NFKBIZ: variants seen among roughly 807,000 people sequenced by gnomAD.
The protein encoded by NFKBIZ is NFKB inhibitor zeta.
NFKBIZ carries 19 observed loss-of-function variants against 76.8 expected under a neutral mutation model. The ratio of observed to expected loss-of-function variants is 0.25; its 90% confidence interval spans 0.17 to 0.36. NFKBIZ has a LOEUF of 0.36. Among genes scored for constraint, NFKBIZ ranks in the 10% least tolerant of loss-of-function variants. The probability of loss-of-function intolerance (pLI) is 1.00; values close to 1 mark genes in which losing one functional copy is unlikely to be tolerated. For missense variants in NFKBIZ, 829 were observed against 910.9 expected, an observed-to-expected ratio of 0.91 and a Z score of 1.16; for synonymous variants, 368 against 354.8, an observed-to-expected ratio of 1.04 and a Z score of -0.42.
chr3:101,850,893 C>T (rs1218409466), intron 1 of NFKBIZ, among the ~76,000 whole-genome samples: 2 of 152,258 alleles, frequency 1.3e-5, no homozygotes, highest in African/African-American at 2.4e-5. Flanking sequence ...CCCACTTGGC[C>T]TTCATCTGGC....
upstream of NFKBIZ, chr3:101,849,141 G>A (rs1037277504): frequency 2.6e-5 from 4 of 152,518 alleles, no homozygotes; most frequent in African/African-American, 9.6e-5. Context: ...CCTGCGCCGC[G>A]CGCCCTCTCC....
At chr3:101,835,933 T>C (rs1321653285) in intron 2 of NFKBIZ, among the ~76,000 whole-genome samples, 1 of 152,200 alleles carries the variant, frequency 6.6e-6, no homozygotes, top group Non-Finnish European at 1.5e-5. Flanking sequence ...AGCAAACTTC[T>C]AGCTACTCTT....
chr3:101,843,020 TAAAAAAAAAAAA>T (rs35824432), intron 2 of NFKBIZ, among the ~76,000 whole-genome samples: 23 of 66,464 alleles, frequency 3.5e-4, no homozygotes, highest in African/African-American at 1.2e-3. Context: ...CTGTATTTTC[TAAAAAAAAAAAA>T]AAAAAAAAAA....
rs1490368548 is a variant in NFKBIZ, at chr3:101,838,373, C to G, written c.-12+8685C>G. On this transcript the variant is annotated intron_variant, in intron 2 of 12. Transcript: ENST00000394054. ...CCCAAGGTCACGTAGCTGGTAAATGCTACAGATAGGTATGCAGGCTTCAAA... is the reference window on the plus strand; with the variant it reads ...CCCAAGGTCACGTAGCTGGTAAATGGTACAGATAGGTATGCAGGCTTCAAA... 3.3e-5 allele frequency among the ~76,000 whole-genome samples: 5 copies of G among 152,278 alleles called. No individual in the cohort carries two copies. The East Asian group carries it at 9.6e-4, about 29-fold the overall frequency.
At chr3:101,850,264 ATGTAGG>A (rs538740976) in intron 1 of NFKBIZ, 73 of 228,216 alleles carry the variant, frequency 3.2e-4, no homozygotes, top group African/African-American at 1.6e-3. Context: ...TTGGGGTCTG[ATGTAGG>A]TGTAATTTTC....
Position 101,854,692 on chromosome 3 carries a change from C to G in NFKBIZ, c.1443+9C>G, listed in dbSNP as rs182110564. 2.9e-5 allele frequency: 46 copies of G among 1,594,374 alleles called. No homozygotes were observed. In the African/African-American group the frequency reaches 5.4e-4, roughly 19 times the overall value. The stretch of plus-strand genomic sequence containing the variant: ...AAGAGCACAATGGACAGGTGAGGAC[C>G]TTGACAGAGTCTGAAATGGCAAAGA... On this transcript the variant is annotated intron_variant, in intron 6 of 11. Transcript: ENST00000326172.
At chr3:101,857,758 C>A in intron 11 of NFKBIZ, 1 of 985,290 alleles carries the variant, frequency 1.0e-6, no homozygotes, top group Non-Finnish European at 1.2e-6. Flanking sequence ...GAGAAGATAC[C>A]AAGGTTCCTG....
At chr3:101,834,200 G>A (rs1168619824) in intron 2 of NFKBIZ, among the ~76,000 whole-genome samples, 1 of 152,060 alleles carries the variant, frequency 6.6e-6, no homozygotes, top group African/African-American at 2.4e-5. Context: ...CTCTCCTTCA[G>A]CTGGCTTTCT....
chr3:101,848,286 T>C (rs1942882745), upstream of NFKBIZ, among the ~76,000 whole-genome samples: 1 of 152,248 alleles, frequency 6.6e-6, no homozygotes, highest in South Asian at 2.1e-4. Flanking sequence ...TTTAATGCCA[T>C]CTTCTCCTCT....
rs199648787 is a variant in NFKBIZ at position 101,853,434 on chromosome 3, C to T, written c.908C>T (p.Thr303Ile). 3.1e-6 allele frequency: 5 copies of T among 1,614,076 alleles called. No individual in the cohort carries two copies. The highest frequency in any genetic ancestry group is 4.2e-6 in the Non-Finnish European group (5 of 1,180,054). The part of the protein sequence containing the change: ...NQHVEQQPHY[T>I]HKPTLEYSPF... ...CATGTAGAGCAGCAGCCACACTACA[C>T]CCACAAACCAACTCTGGAATACAGT... The change falls in exon 5 of 12, where the codon ACC (threonine) becomes ATC (isoleucine). Residue 303 changes from threonine to isoleucine, a missense_variant. By Grantham distance (89) the Thr-to-Ile change is moderately conservative. Around this residue, in one of 4 missense-constraint regions of NFKBIZ, gnomAD observed 371 missense variants for 332.3 expected, o/e 1.12. Transcript: ENST00000326172.
At chr3:101,847,603 C>G (rs1942870636), upstream of NFKBIZ, among the ~76,000 whole-genome samples, 1 of 152,160 alleles carries the variant, frequency 6.6e-6, no homozygotes, top group Admixed American at 6.5e-5. Flanking sequence ...GTCTATAAAC[C>G]TGCACAGCAT....
Position 101,859,816 on chromosome 3 carries a change from G to T in NFKBIZ, c.*445G>T, listed in dbSNP as rs1943107932. On this transcript the variant is annotated 3_prime_UTR_variant, in exon 12 of 12. Transcript: ENST00000326172. ...TGGCCTTAGTCCCTGGGAGTTACTG[G>T]CGTTGGACAGGCTTCAGTCATTGGA... 6.4e-6 allele frequency: 1 copy of T among 157,102 alleles called. No homozygotes were observed. Among genetic ancestry groups the T allele is most frequent in the Non-Finnish European group, 1.4e-5 (1 of 70,576 alleles). 9.7% of individuals were successfully genotyped at this position (157,102 alleles called of 1,614,324 possible).
Position 101,849,788 on chromosome 3 carries a change from G to A in NFKBIZ, c.160G>A (p.Val54Ile), listed in dbSNP as rs1428781898. Residue 54 changes from valine to isoleucine, a missense_variant, in exon 1 of 12, where the codon GTC becomes ATC. Val to Ile is a conservative substitution (Grantham distance 29). This residue lies in a region of NFKBIZ where 181 missense variants were observed against 175.3 expected (regional missense o/e 1.03). Coordinates refer to ENST00000326172, the MANE Select transcript of NFKBIZ (RefSeq NM_031419.4). ...GGGCGCCTGCGACGCCAGCTGCTCG[G>A]TCTTGGGCCCCTCGGCGCCCGGCTC... is the stretch of plus-strand genomic sequence containing the variant. ...APGACDASCSVLGPSAPGSPG... is the reference protein window; with the variant it reads ...APGACDASCSILGPSAPGSPG... 3 of 1,470,312 alleles carry A rather than the reference G, an allele frequency of 2.0e-6. No individual in the cohort carries two copies. Among genetic ancestry groups the A allele is most frequent in the South Asian group, 1.3e-5 (1 of 77,356 alleles). 91.1% of individuals were successfully genotyped at this position (1,470,312 alleles called of 1,614,324 possible).
chr3:101,846,385 T>A (rs1301142002), upstream of NFKBIZ, among the ~76,000 whole-genome samples: 3 of 152,266 alleles, frequency 2.0e-5, no homozygotes, highest in Admixed American at 2.0e-4. Context: ...TACATTTAAA[T>A]TTTTTTGTAG....
chr3:101,834,701 T>C (rs1942692678), intron 2 of NFKBIZ, among the ~76,000 whole-genome samples: 1 of 152,170 alleles, frequency 6.6e-6, no homozygotes, highest in African/African-American at 2.4e-5. Context: ...GCCTATAGAT[T>C]AAATGTGTGA....
In NFKBIZ at chr3:101,849,778, C is replaced by G. The variant is rs1576813492; in HGVS notation, c.150C>G (p.Ala50=). 6.9e-7 allele frequency: 1 copy of G among 1,457,348 alleles called. No homozygotes were observed. The highest frequency in any genetic ancestry group is 9.0e-7 in the Non-Finnish European group (1 of 1,110,578). The allele number at this position is 1,457,348 out of a possible 1,614,324, so 90.3% of individuals were successfully genotyped here. A position where few individuals can be genotyped will look rare whatever the true frequency, so the allele number is the denominator to read the frequency against. The change falls in exon 1 of 12, where the codon GCC becomes GCG. Residue 50 remains alanine, a synonymous_variant. Transcript: ENST00000326172. ...PPAAAPGACD[A]SCSVLGPSAP... ...CCGCCGCCCCGGGCGCCTGCGACGC[C>G]AGCTGCTCGGTCTTGGGCCCCTCGG...
Position 101,853,713 on chromosome 3 carries a change from A to G in NFKBIZ, c.1187A>G (p.Asn396Ser). Residue 396 changes from asparagine (N) to serine (S), a missense_variant, in exon 5 of 12, where the codon AAC (asparagine) becomes AGC (serine). By Grantham distance (46) the Asn-to-Ser change is conservative. Transcript: ENST00000326172. Reference sequence around the variant, plus strand: ...CACGAGATGGCCTCTGACTCTTCAAACACTTCACTGCCATTCTCAAACATG... The same window carrying G: ...CACGAGATGGCCTCTGACTCTTCAAGCACTTCACTGCCATTCTCAAACATG... ...VGHEMASDSS[N>S]TSLPFSNMGN... The G allele has an allele frequency of 6.2e-7, 1 of 1,614,262 alleles. No individual in the cohort carries two copies. Among genetic ancestry groups the G allele is most frequent in the East Asian group, 2.2e-5 (1 of 44,894 alleles).
intron 2 of NFKBIZ, among the ~76,000 whole-genome samples, chr3:101,835,628 C>A (rs1942709541): frequency 6.6e-6 from 1 of 152,174 alleles, no homozygotes; most frequent in African/African-American, 2.4e-5. Flanking sequence ...GGTGTCTCTA[C>A]CCTCTTATAA....
At position 101,849,733 on chromosome 3, in the gene NFKBIZ, C is replaced by A. The variant is rs751162493; in HGVS notation, c.105C>A (p.Phe35Leu). ...LMTSPLNLSYFYGASPPAAAP... is the reference protein window; with the variant it reads ...LMTSPLNLSYLYGASPPAAAP... ...CCAGCCCGCTCAACCTGAGCTACTT[C>A]TACGGCGCGTCGCCGCCCGCCGCCG... Residue 35 changes from phenylalanine to leucine, a missense_variant, in exon 1 of 12, where the codon TTC becomes TTA. By Grantham distance (22) the Phe-to-Leu change is conservative. This residue lies in a region of NFKBIZ where 181 missense variants were observed against 175.3 expected (regional missense o/e 1.03). Transcript: ENST00000326172. 3 of 1,449,772 alleles carry A rather than the reference C, an allele frequency of 2.1e-6. No individual in the cohort carries two copies. The highest frequency in any genetic ancestry group is 2.7e-5 in the South Asian group (2 of 74,428). The allele number at this position is 1,449,772 out of a possible 1,614,324, so 89.8% of individuals were successfully genotyped here.
Sources: gnomAD v4.1 joint callset for allele counts (sites outside exome capture counted in the v4.1 genomes callset) on GRCh38, gnomAD v4.1.1 for gene constraint, gnomAD v4.1.1 regional missense constraint, MANE v1.5 for transcripts, NCBI Gene and HGNC (gene_info 2026-07-23, HGNC 2026-07-21) for gene names.